Variants in ZFP1 observed in about 807,000 individuals in gnomAD.
The protein encoded by ZFP1 is zinc finger protein 1 homolog.
Under a neutral mutation model 38.5 loss-of-function variants are expected in ZFP1, and 32 were observed. The observed-to-expected ratio is 0.83, with a 90% confidence interval of 0.63 to 1.12. The LOEUF is 1.12. ZFP1 is among the 50% of genes most tolerant of loss of function. The pLI, the probability that ZFP1 is intolerant of heterozygous loss-of-function variation, is 0.00. For synonymous variants in ZFP1, 245 were observed against 168.8 expected (o/e 1.45, Z -3.50); for missense variants, 616 against 480.8 (o/e 1.28, Z -2.63).
rs528512075 is a variant in ZFP1 at position 75,169,652 on chromosome 16, T to C, written c.542T>C (p.Val181Ala). ...IFKHQKIKNL[V>A]QPFICTYCDK... The stretch of plus-strand genomic sequence containing the variant: ...AAACATCAGAAAATAAAAAACTTGG[T>C]TCAACCTTTCATTTGTACTTACTGT... The change falls in exon 4 of 4, where the codon GTT becomes GCT. Residue 181 changes from valine (V) to alanine (A), a missense_variant. Physicochemically the swap from Val to Ala is moderately conservative, Grantham distance 64. Transcript: ENST00000570010. 1.3e-6 allele frequency: 2 copies of C among 1,599,144 alleles called. No individual in the cohort carries two copies. Among genetic ancestry groups the C allele is most frequent in the African/African-American group, 2.7e-5 (2 of 73,874 alleles).
intron 1 of ZFP1, among the ~76,000 whole-genome samples, chr16:75,151,853 A>C (rs1240236493): frequency 1.3e-5 from 2 of 152,134 alleles, no homozygotes; most frequent in Non-Finnish European, 2.9e-5. Context: ...TTCATTAAAC[A>C]TTTCTTCTAG....
At chr16:75,138,405 A>G in the ZFP1 span, among the ~76,000 whole-genome samples, 1 of 152,162 alleles carries the variant, frequency 6.6e-6, no homozygotes, top group Non-Finnish European at 1.5e-5. Context: ...AAAAAGGACA[A>G]ACAAAAGGAG....
At chr16:75,143,929 C>T (rs552167091), upstream of ZFP1, among the ~76,000 whole-genome samples, 1 of 152,282 alleles carries the variant, frequency 6.6e-6, no homozygotes, top group Admixed American at 6.5e-5. Flanking sequence ...GCTGGGATTA[C>T]AGGCATGAGC....
At chr16:75,123,793 A>C in the ZFP1 span, among the ~76,000 whole-genome samples, 1 of 150,446 alleles carries the variant, frequency 6.6e-6, no homozygotes, top group Non-Finnish European at 1.5e-5. Flanking sequence ...ATTCTTTCTT[A>C]AAAAAAGTTG....
chr16:75,152,132 A>AT (rs1490709003), intron 1 of ZFP1, among the ~76,000 whole-genome samples: 1 of 152,008 alleles, frequency 6.6e-6, no homozygotes, highest in Non-Finnish European at 1.5e-5. Context: ...TACTTTGAAG[A>AT]TTTTAACTTT....
intron 2 of ZFP1, among the ~76,000 whole-genome samples, chr16:75,155,696 A>T: frequency 6.6e-6 from 1 of 152,260 alleles, no homozygotes; most frequent in South Asian, 2.1e-4. Context: ...CTTTATGACA[A>T]ATTTTCTGAT....
the ZFP1 span, among the ~76,000 whole-genome samples, chr16:75,140,541 G>C: frequency 2.0e-5 from 3 of 152,200 alleles, no homozygotes. Context: ...TACAATGTAA[G>C]CTCCACCAGG....
At chr16:75,153,036 T>C (rs2037287267) in intron 2 of ZFP1, 70 bp downstream of exon 2, 3 of 1,581,700 alleles carry the variant, frequency 1.9e-6, no homozygotes, top group South Asian at 2.3e-5. Flanking sequence ...ATCCAGAAAA[T>C]GAAATAGAAA....
At chr16:75,160,390 C>T (rs1324293496) in intron 2 of ZFP1, among the ~76,000 whole-genome samples, 1 of 151,860 alleles carries the variant, frequency 6.6e-6, no homozygotes, top group Non-Finnish European at 1.5e-5. Context: ...CTGTACTAAT[C>T]CCATCTGTAC....
the ZFP1 span, among the ~76,000 whole-genome samples, chr16:75,126,488 C>G: frequency 6.6e-6 from 1 of 152,210 alleles, no homozygotes; most frequent in African/African-American, 2.4e-5. Context: ...ACTACAACCT[C>G]TGCCTCCCAG....
At chr16:75,144,060 C>G (rs2036916985), upstream of ZFP1, 1 of 152,172 alleles carries the variant, frequency 6.6e-6, no homozygotes, top group Non-Finnish European at 1.5e-5. Context: ...CTCAGAAACA[C>G]CCGCTACACT....
At chr16:75,167,011 TA>T in intron 3 of ZFP1, 115 bp downstream of exon 3, 2 of 1,502,628 alleles carry the variant, frequency 1.3e-6, no homozygotes, top group Non-Finnish European at 1.8e-6. Context: ...AGTCCTCAGG[TA>T]TTAAACCTGA....
rs887327474 is a variant in ZFP1 at position 75,169,920 on chromosome 16, C to T, written c.810C>T (p.Cys270=). The change falls in exon 4 of 4, where the codon TGC becomes TGT. Residue 270 remains cysteine, a synonymous_variant. Transcript: ENST00000570010. ...RAHMEKKPYE[C]SECGKTFAQK... Reference sequence around the variant, plus strand: ...ATATGGAGAAGAAGCCCTATGAGTGCAGTGAATGTGGAAAGACATTTGCCC... The same window carrying T: ...ATATGGAGAAGAAGCCCTATGAGTGTAGTGAATGTGGAAAGACATTTGCCC... The T allele has an allele frequency of 1.2e-6, 2 of 1,614,194 alleles. No individual in the cohort carries two copies. The highest frequency in any genetic ancestry group is 1.3e-5 in the African/African-American group (1 of 75,060).
At chr16:75,156,763 G>C (rs1211064507) in intron 2 of ZFP1, among the ~76,000 whole-genome samples, 1 of 152,192 alleles carries the variant, frequency 6.6e-6, no homozygotes, top group Non-Finnish European at 1.5e-5. Context: ...CTCAGGAGTA[G>C]ATTAAAGCAG....
At chr16:75,156,991 C>G (rs575390384) in intron 2 of ZFP1, 2 of 152,320 alleles carry the variant, frequency 1.3e-5, no homozygotes, top group South Asian at 4.1e-4. Flanking sequence ...AGAATGCCAG[C>G]TTTTGAATCA....
chr16:75,120,460 TC>T, the ZFP1 span, among the ~76,000 whole-genome samples: 1 of 152,110 alleles, frequency 6.6e-6, no homozygotes, highest in Non-Finnish European at 1.5e-5. Context: ...CAAGTTCGTC[TC>T]GTCTCTTCAA....
At chr16:75,142,473 A>G in the ZFP1 span, among the ~76,000 whole-genome samples, 8 of 152,176 alleles carry the variant, frequency 5.3e-5, no homozygotes, top group Non-Finnish European at 8.8e-5. Context: ...GTGACCTGCC[A>G]TCACTCTAAG....
At chr16:75,123,573 G>A in the ZFP1 span, among the ~76,000 whole-genome samples, 10 of 147,444 alleles carry the variant, frequency 6.8e-5, no homozygotes, top group Non-Finnish European at 1.2e-4. Flanking sequence ...GTGGTGCAGG[G>A]TTCAAGCAAT....
At position 75,161,774 on chromosome 16, in the gene ZFP1, A is replaced by ATTT. The variant is rs200925992; in HGVS notation, c.16-4972_16-4970dup. ...TTTTATGAAATATATATATATATAT[A>ATTT]TTTTTTTTTTTTTTTTTTTTTTTTT... On this transcript the variant is annotated intron_variant, in intron 2 of 3. Coordinates refer to ENST00000570010, the MANE Select transcript of ZFP1 (RefSeq NM_153688.4). 2.6e-3 allele frequency among the ~76,000 whole-genome samples: 20 copies of ATTT among 7,820 alleles called. 2 individuals carry two copies. Among genetic ancestry groups the ATTT allele is most frequent in the East Asian group, 3.4e-3 (2 of 592 alleles). 5.1% of individuals were successfully genotyped at this position (7,820 alleles called of 152,430 possible). A position where few individuals can be genotyped will look rare whatever the true frequency, so the allele number is the denominator to read the frequency against.
Sources: gnomAD v4.1 joint callset for allele counts (sites outside exome capture counted in the v4.1 genomes callset) on GRCh38, gnomAD v4.1.1 for gene constraint, MANE v1.5 for transcripts, NCBI Gene and HGNC (gene_info 2026-07-23, HGNC 2026-07-21) for gene names.